Variants in ATP6V0E1 observed in about 807,000 individuals in gnomAD.
ATP6V0E1 encodes ATPase H+ transporting V0 subunit e1.
Under a neutral mutation model 11.6 loss-of-function variants are expected in ATP6V0E1, and 4 were observed. The ratio of observed to expected loss-of-function variants is 0.35; its 90% confidence interval spans 0.17 to 0.79. The LOEUF (loss-of-function observed/expected upper bound fraction) is 0.79. ATP6V0E1 is among the 30% of genes least tolerant of loss of function. The probability of loss-of-function intolerance (pLI) is 0.54; values close to 1 mark genes in which losing one functional copy is unlikely to be tolerated. For synonymous variants in ATP6V0E1, 36 were observed against 34.8 expected (o/e 1.04, Z -0.13); for missense variants, 105 against 100.0 (o/e 1.05, Z -0.21).
chr5:173,033,607 C>T (rs781231172), intron 3 of ATP6V0E1, among the ~76,000 whole-genome samples: 2 of 152,000 alleles, frequency 1.3e-5, no homozygotes, highest in Non-Finnish European at 2.9e-5. Context: ...CTTTGGGAGG[C>T]GAGGATGGGC....
At chr5:173,001,278 CCAG>C (rs1756148803) in intron 2 of ATP6V0E1, among the ~76,000 whole-genome samples, 1 of 152,100 alleles carries the variant, frequency 6.6e-6, no homozygotes, top group Non-Finnish European at 1.5e-5. Context: ...AAATCAAGAG[CCAG>C]AGAGGCCCGA....
intron 3 of ATP6V0E1, among the ~76,000 whole-genome samples, chr5:173,031,382 C>A (rs1756649615): frequency 6.6e-6 from 1 of 151,704 alleles, no homozygotes; most frequent in African/African-American, 2.4e-5. Context: ...CCGCATCCGA[C>A]CCTTTGTCAG....
chr5:173,014,464 A>G (rs1331170168), intron 2 of ATP6V0E1, among the ~76,000 whole-genome samples: 1 of 152,210 alleles, frequency 6.6e-6, no homozygotes, highest in East Asian at 1.9e-4. Flanking sequence ...ACAGAGAATC[A>G]ATCTAAGTGT....
chr5:172,991,992 C>CCTTCTTTCT lies in ATP6V0E1; in HGVS notation c.105-2783_105-2782insCTTCTTTCT, dbSNP rs1561767787. On this transcript the variant is annotated intron_variant, in intron 1 of 3. Coordinates refer to ENST00000519374, the MANE Select transcript of ATP6V0E1 (RefSeq NM_003945.4). ...TTCTTCCTTTATTTTTCTTTCTTTC[C>CCTTCTTTCT]TTCTTTCTTCTTTCTGTCTGTCTTT... Among the ~76,000 whole-genome samples the CCTTCTTTCT allele has an allele frequency of 3.7e-3, 464 of 125,908 alleles. 1 individual carries two copies. Among genetic ancestry groups the CCTTCTTTCT allele is most frequent in the African/African-American group, 0.016 (448 of 28,414 alleles). 82.6% of individuals were successfully genotyped at this position (125,908 alleles called of 152,430 possible).
intron 2 of ATP6V0E1, among the ~76,000 whole-genome samples, chr5:173,002,907 G>A (rs904862938): frequency 5.3e-5 from 8 of 152,008 alleles, no homozygotes; most frequent in Non-Finnish European, 4.4e-5. Flanking sequence ...TGGGATAGCC[G>A]GGGACAGGGG....
chr5:173,023,665 T>C (rs1171048030), intron 3 of ATP6V0E1, among the ~76,000 whole-genome samples: 2 of 152,134 alleles, frequency 1.3e-5, no homozygotes, highest in African/African-American at 4.8e-5. Flanking sequence ...GGCAATATTG[T>C]GAAACCTTGT....
chr5:173,025,150 T>A (rs1162913849), intron 3 of ATP6V0E1, among the ~76,000 whole-genome samples: 1 of 147,974 alleles, frequency 6.8e-6, no homozygotes, highest in Non-Finnish European at 1.5e-5. Context: ...ATTCTTTTTT[T>A]TTTTTTTTTT....
intron 2 of ATP6V0E1, among the ~76,000 whole-genome samples, chr5:173,006,437 C>T (rs184299529): frequency 2.6e-5 from 4 of 151,942 alleles, no homozygotes; most frequent in Non-Finnish European, 4.4e-5. Flanking sequence ...GGTGAAACTC[C>T]GTCTCTACTA....
intron 3 of ATP6V0E1, chr5:173,020,735 G>GTA (rs1756466458): frequency 1.9e-6 from 1 of 519,396 alleles, no homozygotes; most frequent in South Asian, 1.4e-5. Flanking sequence ...CTTTCCAGCA[G>GTA]TAGTCAGCCA....
At chr5:172,985,105 C>T (rs1280517586) in intron 1 of ATP6V0E1, among the ~76,000 whole-genome samples, 6 of 151,848 alleles carry the variant, frequency 4.0e-5, no homozygotes, top group South Asian at 2.1e-4. Context: ...ATTAGCCGGG[C>T]GTGGTGGCGG....
chr5:173,001,774 A>G (rs1756159460), intron 2 of ATP6V0E1, among the ~76,000 whole-genome samples: 1 of 147,098 alleles, frequency 6.8e-6, no homozygotes, highest in Non-Finnish European at 1.5e-5. Flanking sequence ...GCTAGAGTGC[A>G]ATGGCTGGAT....
chr5:173,006,558 G>A (rs1756233633), intron 2 of ATP6V0E1, among the ~76,000 whole-genome samples: 1 of 152,266 alleles, frequency 6.6e-6, no homozygotes, highest in East Asian at 1.9e-4. Flanking sequence ...CGCAGGCAGT[G>A]AGCCGAGATG....
At chr5:173,016,054 G>A (rs189740243) in intron 2 of ATP6V0E1, among the ~76,000 whole-genome samples, 1 of 152,282 alleles carries the variant, frequency 6.6e-6, no homozygotes, top group Admixed American at 6.5e-5. Flanking sequence ...ACCAGAAAAC[G>A]TGTTTCCCTG....
At chr5:172,997,394 TA>T (rs558937496) in intron 2 of ATP6V0E1, among the ~76,000 whole-genome samples, 7 of 150,344 alleles carry the variant, frequency 4.7e-5, no homozygotes, top group South Asian at 2.1e-4. Flanking sequence ...AAATGGCTGT[TA>T]AAAAAAAAAT....
chr5:173,012,983 G>GGCA (rs774077689), intron 2 of ATP6V0E1, among the ~76,000 whole-genome samples: 38 of 151,854 alleles, frequency 2.5e-4, no homozygotes, highest in Non-Finnish European at 4.7e-4. Context: ...GACCAGCTTA[G>GGCA]GCAGCATAAT....
intron 2 of ATP6V0E1, among the ~76,000 whole-genome samples, chr5:173,000,439 A>G (rs1756135047): frequency 6.6e-6 from 1 of 152,218 alleles, no homozygotes; most frequent in South Asian, 2.1e-4. Flanking sequence ...CTCACATGAA[A>G]TTAGAAATGT....
At chr5:173,012,897 G>C (rs1232957648) in intron 2 of ATP6V0E1, among the ~76,000 whole-genome samples, 1 of 152,192 alleles carries the variant, frequency 6.6e-6, no homozygotes, top group Non-Finnish European at 1.5e-5. Flanking sequence ...AACAGGCTGG[G>C]TGTAGTGGCT....
At chr5:173,006,677 G>C (rs78340192) in intron 2 of ATP6V0E1, among the ~76,000 whole-genome samples, 3,238 of 152,250 alleles carry the variant, frequency 0.021, 86 homozygotes, top group African/African-American at 0.054. Flanking sequence ...TCCACTGTTT[G>C]CTGTGCCCTG....
chr5:173,030,386 A>G (rs536976697), intron 3 of ATP6V0E1, among the ~76,000 whole-genome samples: 2 of 151,954 alleles, frequency 1.3e-5, no homozygotes, highest in African/African-American at 4.8e-5. Flanking sequence ...TTCCCCGAAC[A>G]GATTTCTTGG....
Sources: allele counts gnomAD v4.1 joint callset (sites outside exome capture counted in the v4.1 genomes callset), GRCh38; gene constraint gnomAD v4.1.1; transcripts MANE v1.5; gene names NCBI Gene and HGNC (gene_info 2026-07-23, HGNC 2026-07-21).